Variants in RAPGEF5 observed in about 807,000 individuals in gnomAD.
RAPGEF5 encodes the protein M-Ras-regulated GEF.
RAPGEF5 carries 65 observed loss-of-function variants against 125.2 expected under a neutral mutation model. The observed-to-expected ratio is 0.52, with a 90% CI of 0.43 to 0.64. The LOEUF is 0.64. Among genes scored for constraint, RAPGEF5 ranks in the 30% least tolerant of loss-of-function variants. RAPGEF5 has a pLI of 0.00. For missense variants in RAPGEF5, 958 were observed against 1,048.1 expected (o/e 0.91, Z 1.19); for synonymous variants, 391 against 385.9 (o/e 1.01, Z -0.16).
intron 19 of RAPGEF5, among the ~76,000 whole-genome samples, chr7:22,146,403 T>G (rs1445085868): frequency 6.6e-6 from 1 of 152,234 alleles, no homozygotes; most frequent in African/African-American, 2.4e-5. Context: ...AGTGAAAAAC[T>G]GATGGACATA....
rs983607479 is a variant in RAPGEF5, at chr7:22,120,345, T to C, written c.*2061A>G. 1 of 152,298 alleles carries C rather than the reference T, an allele frequency of 6.6e-6. No homozygotes were observed. The highest frequency in any genetic ancestry group is 6.5e-5 in the Admixed American group (1 of 15,284). 9.4% of individuals were successfully genotyped at this position (152,298 alleles called of 1,614,324 possible). On this transcript the variant is annotated 3_prime_UTR_variant, in exon 26 of 26. Coordinates refer to ENST00000665637, the MANE Select transcript of RAPGEF5 (RefSeq NM_012294.5). The surrounding 1 kb of genome is among the most constrained non-coding windows in gnomAD (Gnocchi z 4.0). ...GACTTGGGGTCTGAGCAGCATGCAATATGCTGAAATAGTTCTCCATGGAAA... is the reference window on the plus strand; with the variant it reads ...GACTTGGGGTCTGAGCAGCATGCAACATGCTGAAATAGTTCTCCATGGAAA...
intron 6 of RAPGEF5, among the ~76,000 whole-genome samples, chr7:22,286,729 T>C (rs1175536797): frequency 6.6e-6 from 1 of 152,174 alleles, no homozygotes; most frequent in Non-Finnish European, 1.5e-5. Context: ...CATAAACACT[T>C]CCCCGTATTT....
At chr7:22,140,582 C>G (rs1348662591) in intron 20 of RAPGEF5, among the ~76,000 whole-genome samples, 1 of 152,068 alleles carries the variant, frequency 6.6e-6, no homozygotes, top group Non-Finnish European at 1.5e-5. Flanking sequence ...TTGCTACCAA[C>G]AAAATAGCTA....
At chr7:22,152,367 T>C (rs75457042) in intron 17 of RAPGEF5, among the ~76,000 whole-genome samples, 3,586 of 152,310 alleles carry the variant, frequency 0.024, 49 homozygotes, top group Middle Eastern at 0.065. Context: ...CTATGTATAC[T>C]TTAAATCTGA....
intron 9 of RAPGEF5, chr7:22,194,489 T>C (rs1417180611): frequency 1.4e-6 from 1 of 708,686 alleles, no homozygotes; most frequent in Non-Finnish European, 1.7e-6. Flanking sequence ...TAAGCCCTAT[T>C]CAGTAGTTGC....
At chr7:22,132,602 T>C (rs77130273) in intron 23 of RAPGEF5, among the ~76,000 whole-genome samples, 2,081 of 152,282 alleles carry the variant, frequency 0.014, 48 homozygotes, top group African/African-American at 0.048. Context: ...ACACTCTGTC[T>C]ACATTAAATA....
At chr7:22,147,288 G>A (rs1174464423) in intron 18 of RAPGEF5, among the ~76,000 whole-genome samples, 1 of 152,130 alleles carries the variant, frequency 6.6e-6, no homozygotes, top group Non-Finnish European at 1.5e-5. Flanking sequence ...ACACATGCAC[G>A]CACAAATCTG....
In RAPGEF5 at chr7:22,161,498, CTG is replaced by C. The variant is rs566303724; in HGVS notation, c.1429-885_1429-884del. On this transcript the variant is annotated intron_variant, in intron 13 of 25. Coordinates refer to ENST00000665637, the MANE Select transcript of RAPGEF5 (RefSeq NM_012294.5). Reference sequence around the variant, plus strand: ...GTTGCAGTGAACTATGACTGCGTCACTGCACTGCAGCCTGGGTAGCAGAGCAA... The same window carrying C: ...GTTGCAGTGAACTATGACTGCGTCACCACTGCAGCCTGGGTAGCAGAGCAA... 2.0e-5 allele frequency among the ~76,000 whole-genome samples: 3 copies of C among 150,924 alleles called. No individual in the cohort carries two copies. In the South Asian group the frequency reaches 6.3e-4, roughly 32 times the overall value.
intron 11 of RAPGEF5, among the ~76,000 whole-genome samples, chr7:22,188,012 GA>G (rs1460319163): frequency 6.6e-6 from 1 of 152,204 alleles, no homozygotes; most frequent in Non-Finnish European, 1.5e-5. Flanking sequence ...TGCAGCTACA[GA>G]TAAGCTACAC....
At chr7:22,135,173 A>G (rs145238408) in intron 23 of RAPGEF5, among the ~76,000 whole-genome samples, 1 of 152,296 alleles carries the variant, frequency 6.6e-6, no homozygotes, top group Non-Finnish European at 1.5e-5. Flanking sequence ...TCATTTCTAG[A>G]ATCATGTGTA....
At chr7:22,344,666 C>T (rs749041056) in intron 1 of RAPGEF5, among the ~76,000 whole-genome samples, 3 of 152,220 alleles carry the variant, frequency 2.0e-5, no homozygotes, top group Non-Finnish European at 4.4e-5. Flanking sequence ...ACGGTGCAGA[C>T]CAGAACAGGG....
At chr7:22,209,731 CT>C (rs1785468873) in intron 9 of RAPGEF5, among the ~76,000 whole-genome samples, 1 of 152,120 alleles carries the variant, frequency 6.6e-6, no homozygotes, top group South Asian at 2.1e-4. Flanking sequence ...GAAGTGTTGT[CT>C]TAGGGCAAGG....
intron 14 of RAPGEF5, 33 bp from the exon 15 acceptor site, chr7:22,157,918 G>C: frequency 6.3e-7 from 1 of 1,586,292 alleles, no homozygotes; most frequent in Non-Finnish European, 8.7e-7. Flanking sequence ...GTCAGTCTTT[G>C]TCTCAAACCC....
chr7:22,157,288 G>C (rs1038834214), intron 15 of RAPGEF5, among the ~76,000 whole-genome samples: 33 of 152,268 alleles, frequency 2.2e-4, no homozygotes, highest in African/African-American at 7.7e-4. Flanking sequence ...CTTTGAGATG[G>C]TTTCAGTACC....
chr7:22,177,030 C>G (rs1173635534), intron 11 of RAPGEF5, among the ~76,000 whole-genome samples: 1 of 152,190 alleles, frequency 6.6e-6, no homozygotes, highest in Non-Finnish European at 1.5e-5. Flanking sequence ...TAACACACAG[C>G]TGCTTTCTTT....
At chr7:22,294,234 T>A (rs2528921) in intron 5 of RAPGEF5, among the ~76,000 whole-genome samples, 62,495 of 151,966 alleles carry the variant, frequency 0.41, 13,741 homozygotes, top group African/African-American at 0.59. Context: ...ACAAGTGACA[T>A]AAGACAGAAA....
At position 22,146,887 on chromosome 7, in the gene RAPGEF5, C is replaced by A; in HGVS notation, c.2007+10G>T. The A allele has an allele frequency of 6.2e-7, 1 of 1,608,078 alleles. No homozygotes were observed. The highest frequency in any genetic ancestry group is 1.1e-5 in the South Asian group (1 of 89,526). On this transcript the variant is annotated intron_variant, in intron 19 of 25. Coordinates refer to ENST00000665637, the MANE Select transcript of RAPGEF5 (RefSeq NM_012294.5). ...AGCATTTGTATTTTATCTTGTCACT[C>A]CTCATTTACCTCGTGAATTGAATTG... is the stretch of plus-strand genomic sequence containing the variant.
intron 1 of RAPGEF5, among the ~76,000 whole-genome samples, chr7:22,328,079 G>A (rs973400964): frequency 1.3e-5 from 2 of 152,144 alleles, no homozygotes; most frequent in Non-Finnish European, 2.9e-5. Context: ...GCTTTTCAAG[G>A]GACAGGATTA....
chr7:22,276,207 CT>C (rs1583540789), intron 6 of RAPGEF5, among the ~76,000 whole-genome samples: 5 of 152,124 alleles, frequency 3.3e-5, no homozygotes. Context: ...TCTCAAGTTA[CT>C]TTTTTTGGTG....
Sources: gnomAD v4.1 joint callset for allele counts (sites outside exome capture counted in the v4.1 genomes callset) on GRCh38, gnomAD v4.1.1 for gene constraint, Gnocchi (gnomAD v3.1) non-coding constraint, MANE v1.5 for transcripts, NCBI Gene and HGNC (gene_info 2026-07-23, HGNC 2026-07-21) for gene names.